The following N4BP2 variants were observed in gnomAD, a reference collection of about 807,000 sequenced individuals.
The protein encoded by N4BP2 is NEDD4 binding protein 2, also known as NEDD4-binding protein 2.
In N4BP2, 91 loss-of-function variants were observed where a neutral mutation model predicts 152.8. That is an observed-to-expected ratio of 0.60 (90% CI 0.50 to 0.71). The LOEUF is 0.71. N4BP2 is among the 30% of genes least tolerant of loss of function. The pLI, the probability that N4BP2 is intolerant of heterozygous loss-of-function variation, is 0.00. For missense variants in N4BP2, 1,923 were observed against 2,059.1 expected (o/e 0.93, Z 1.28); for synonymous variants, 646 against 705.3 (o/e 0.92, Z 1.33).
At chr4:40,060,730 G>A (rs1733592889) in intron 1 of N4BP2, among the ~76,000 whole-genome samples, 1 of 151,590 alleles carries the variant, frequency 6.6e-6, no homozygotes, top group Non-Finnish European at 1.5e-5. Flanking sequence ...AGCCTCCCGA[G>A]TAGCTGGGAG....
chr4:40,188,266 C>T, the N4BP2 span, among the ~76,000 whole-genome samples: 8 of 152,046 alleles, frequency 5.3e-5, no homozygotes, highest in East Asian at 5.8e-4. Flanking sequence ...AAAAGTCAAC[C>T]GGCTACCATC....
intron 1 of N4BP2, among the ~76,000 whole-genome samples, chr4:40,066,394 T>C (rs1734051347): frequency 6.9e-6 from 1 of 145,838 alleles, no homozygotes; most frequent in Non-Finnish European, 1.5e-5. Context: ...TCTCGGCTCA[T>C]TGCAGCCTCT....
At chr4:40,108,842 G>A (rs1429154488) in intron 5 of N4BP2, among the ~76,000 whole-genome samples, 2 of 149,268 alleles carry the variant, frequency 1.3e-5, no homozygotes, top group African/African-American at 4.9e-5. Context: ...TTTGGAGACA[G>A]AGTCCTGCTC....
At chr4:40,099,286 A>G (rs1365517693) in intron 3 of N4BP2, among the ~76,000 whole-genome samples, 1 of 152,226 alleles carries the variant, frequency 6.6e-6, no homozygotes, top group Admixed American at 6.5e-5. Flanking sequence ...CTTGCTGCCC[A>G]GGCCGGAGTG....
the N4BP2 span, among the ~76,000 whole-genome samples, chr4:40,174,767 A>G: frequency 6.6e-6 from 1 of 152,102 alleles, no homozygotes; most frequent in South Asian, 2.1e-4. Flanking sequence ...GCGCCACTGC[A>G]CTCCAGTCTG....
the N4BP2 span, among the ~76,000 whole-genome samples, chr4:40,166,276 C>T: frequency 4.6e-5 from 7 of 152,202 alleles, no homozygotes; most frequent in Non-Finnish European, 8.8e-5. Context: ...AACTGAACAG[C>T]AGGCTATCTG....
intron 7 of N4BP2, among the ~76,000 whole-genome samples, chr4:40,116,013 CTAAT>C: frequency 6.6e-6 from 1 of 152,156 alleles, no homozygotes; most frequent in East Asian, 1.9e-4. Flanking sequence ...TTATATCACC[CTAAT>C]TAATTGAACC....
chr4:40,153,014 G>A, intron 17 of N4BP2, 111 bp downstream of exon 17: 1 of 1,016,022 alleles, frequency 9.8e-7, no homozygotes, highest in Non-Finnish European at 1.4e-6. Flanking sequence ...CCCTAATATA[G>A]CTAGGTAAAT....
At chr4:40,151,021 A>C (rs765882835) in intron 16 of N4BP2, among the ~76,000 whole-genome samples, 4 of 152,198 alleles carry the variant, frequency 2.6e-5, no homozygotes, top group Non-Finnish European at 5.9e-5. Flanking sequence ...AAAATGAGTT[A>C]AACAGTCCTT....
chr4:40,058,061 A>G (rs1033157212), intron 1 of N4BP2, among the ~76,000 whole-genome samples: 2 of 152,348 alleles, frequency 1.3e-5, no homozygotes, highest in Admixed American at 6.5e-5. Flanking sequence ...AAAGGTGGCC[A>G]TTGGTTGAGC....
At chr4:40,127,816 G>A (rs1201156473) in intron 12 of N4BP2, among the ~76,000 whole-genome samples, 1 of 151,868 alleles carries the variant, frequency 6.6e-6, no homozygotes. Flanking sequence ...GCCTGCCACC[G>A]CGCCCGGCTA....
the N4BP2 span, among the ~76,000 whole-genome samples, chr4:40,179,114 A>G: frequency 1.3e-5 from 2 of 152,110 alleles, no homozygotes; most frequent in Non-Finnish European, 2.9e-5. Context: ...CATGCCTGTA[A>G]TCCCAGCAGT....
intron 4 of N4BP2, among the ~76,000 whole-genome samples, chr4:40,106,370 G>A (rs899944515): frequency 1.3e-5 from 2 of 151,822 alleles, no homozygotes; most frequent in African/African-American, 4.8e-5. Context: ...TGACTCCAGT[G>A]CAGTGGTGCA....
chr4:40,076,211 C>T (rs1712715522), intron 2 of N4BP2, among the ~76,000 whole-genome samples: 1 of 152,108 alleles, frequency 6.6e-6, no homozygotes, highest in African/African-American at 2.4e-5. Flanking sequence ...TGCGGTGGCT[C>T]CTGCCTGTAA....
At chr4:40,099,673 C>T (rs1162395199) in intron 3 of N4BP2, among the ~76,000 whole-genome samples, 2 of 151,650 alleles carry the variant, frequency 1.3e-5, no homozygotes, top group Non-Finnish European at 2.9e-5. Context: ...GTAAATTGTT[C>T]ATTCATTGAA....
chr4:40,111,491 T>G (rs1259521032), intron 5 of N4BP2, among the ~76,000 whole-genome samples: 2 of 152,108 alleles, frequency 1.3e-5, no homozygotes, highest in Non-Finnish European at 2.9e-5. Context: ...TGGCTAATTT[T>G]TGTATTTTTA....
Position 40,056,920 on chromosome 4 carries a change from G to A in N4BP2, c.-322G>A, listed in dbSNP as rs1402221383. On this transcript the variant is annotated 5_prime_UTR_variant, in exon 1 of 18. Transcript: ENST00000261435. ...CAGCTGCTTGCTAGCCTTGCGCGGC[G>A]CGGGAGAGCGCAGTGGCGCCGGCGG... 1.3e-5 allele frequency: 2 copies of A among 152,110 alleles called. No individual in the cohort carries two copies. The highest frequency in any genetic ancestry group is 2.9e-5 in the Non-Finnish European group (2 of 68,012). The allele number at this position is 152,110 out of a possible 1,614,324, so 9.4% of individuals were successfully genotyped here. A position where few individuals can be genotyped will look rare whatever the true frequency, so the allele number is the denominator to read the frequency against.
rs1288590190 is a variant in N4BP2 at position 40,121,278 on chromosome 4, T to G, written c.3167T>G (p.Ile1056Ser). The G allele has an allele frequency of 1.9e-6, 3 of 1,613,244 alleles. No individual in the cohort carries two copies. The highest frequency in any genetic ancestry group is 2.5e-6 in the Non-Finnish European group (3 of 1,179,876). Reference sequence around the variant, plus strand: ...GGATTTAAGCCGAAAGTTTTCAATATTAACACAAAATCAGACGTTCAAGAA... The same window carrying G: ...GGATTTAAGCCGAAAGTTTTCAATAGTAACACAAAATCAGACGTTCAAGAA... ...LDGFKPKVFN[I>S]NTKSDVQEAI... Residue 1056 changes from isoleucine to serine, a missense_variant, in exon 9 of 18, where the codon ATT (isoleucine) becomes AGT (serine). Ile to Ser is a moderately radical substitution (Grantham distance 142, BLOSUM62 -2). Transcript: ENST00000261435.
Position 40,103,061 on chromosome 4 carries a change from T to C in N4BP2, c.1216T>C (p.Ser406Pro). 6.2e-7 allele frequency: 1 copy of C among 1,614,094 alleles called. No homozygotes were observed. Among genetic ancestry groups the C allele is most frequent in the Non-Finnish European group, 8.5e-7 (1 of 1,180,004 alleles). ...TCCACCCTCAGTTATTTCTCACACT[T>C]CCCCAACAAAAGTATGGAGAAATAA... ...TFPPSVISHT[S>P]PTKVWRNKDG... is the part of the protein sequence containing the mutation. Residue 406 changes from serine (S) to proline (P), a missense_variant, in exon 4 of 18, where the codon TCC becomes CCC. Ser to Pro is a moderately conservative substitution (Grantham distance 74). Transcript: ENST00000261435.
Sources: allele counts gnomAD v4.1 joint callset (sites outside exome capture counted in the v4.1 genomes callset), GRCh38; gene constraint gnomAD v4.1.1; transcripts MANE v1.5; gene names NCBI Gene and HGNC (gene_info 2026-07-23, HGNC 2026-07-21).